Variants in TAF8 observed in about 807,000 individuals in gnomAD.
TAF8 encodes the protein transcription initiation factor TFIID subunit 8.
A neutral mutation model predicts 36.5 loss-of-function variants in TAF8; 47 were observed. That is an observed-to-expected ratio of 1.29 (90% CI 1.02 to 1.64). The LOEUF is 1.64. Ranked by LOEUF, TAF8 falls within the 40% of genes most tolerant of loss-of-function variation. TAF8 has a pLI of 0.00. For synonymous variants in TAF8, 175 were observed against 159.5 expected (o/e 1.10, Z -0.73); for missense variants, 420 against 407.6 (o/e 1.03, Z -0.26).
intron 5 of TAF8, among the ~76,000 whole-genome samples, chr6:42,058,658 A>G (rs901951342): frequency 6.6e-6 from 1 of 152,202 alleles, no homozygotes; most frequent in Non-Finnish European, 1.5e-5. Flanking sequence ...CTAATGCAAC[A>G]TAGCCCTTGC....
chr6:42,066,614 A>T (rs1765372866), intron 6 of TAF8, among the ~76,000 whole-genome samples, 155 bp downstream of exon 6: 1 of 152,086 alleles, frequency 6.6e-6, no homozygotes, highest in South Asian at 2.1e-4. Context: ...CCCAGGTCTT[A>T]AGAGTCTGTC....
Position 42,059,659 on chromosome 6 carries a change from G to C in TAF8, c.489+2146G>C, listed in dbSNP as rs550236169. 3.1e-3 allele frequency among the ~76,000 whole-genome samples: 466 copies of C among 152,180 alleles called. 1 individual carries two copies. The highest frequency in any genetic ancestry group is 4.8e-3 in the Non-Finnish European group (329 of 68,030). On this transcript the variant is annotated intron_variant, in intron 5 of 8. Coordinates refer to ENST00000372977, the MANE Select transcript of TAF8 (RefSeq NM_138572.3). Reference sequence around the variant, plus strand: ...AGGCAATCTAGTCTCCAGGCAAGATGGAGGTCTTCTTTGGGAAAAGGAGTG... The same window carrying C: ...AGGCAATCTAGTCTCCAGGCAAGATCGAGGTCTTCTTTGGGAAAAGGAGTG...
intron 5 of TAF8, among the ~76,000 whole-genome samples, chr6:42,062,879 A>G (rs1044713566): frequency 2.0e-5 from 3 of 152,034 alleles, no homozygotes; most frequent in Non-Finnish European, 4.4e-5. Context: ...ACAAAATTAC[A>G]TTCCCTTTAA....
Position 42,081,040 on chromosome 6 carries a change from T to A in TAF8, c.*3495T>A. Reference sequence around the variant, plus strand: ...AACTTTTATTTTGGAAATTTTCAAATACAAAATTAGAGAGCAAAATATATG... The same window carrying A: ...AACTTTTATTTTGGAAATTTTCAAAAACAAAATTAGAGAGCAAAATATATG... On this transcript the variant is annotated 3_prime_UTR_variant, in exon 9 of 9. Coordinates refer to ENST00000372977, the MANE Select transcript of TAF8 (RefSeq NM_138572.3). 1 of 923,604 alleles carries A rather than the reference T, an allele frequency of 1.1e-6. No homozygotes were observed. The allele number at this position is 923,604 out of a possible 1,614,324, so 57.2% of individuals were successfully genotyped here. A position where few individuals can be genotyped will look rare whatever the true frequency, so the allele number is the denominator to read the frequency against.
rs1045179174 is a variant in TAF8, at chr6:42,050,873, G to A, written c.45+287G>A. On this transcript the variant is annotated intron_variant, in intron 1 of 8. Coordinates refer to ENST00000372977, the MANE Select transcript of TAF8 (RefSeq NM_138572.3). ...TTCGCCTTCTTATTGGCCGGCCAAA[G>A]TTGAAAGGCATTCCCGTTTCAAAAT... The A allele has an allele frequency of 3.4e-6, 4 of 1,189,472 alleles. No homozygotes were observed. The African/African-American group carries it at 6.3e-5, about 19-fold the overall frequency. The allele number at this position is 1,189,472 out of a possible 1,614,324, so 73.7% of individuals were successfully genotyped here.
Position 42,078,719 on chromosome 6 carries a change from G to C in TAF8, c.*1174G>C. 1.0e-6 allele frequency: 1 copy of C among 985,456 alleles called. No homozygotes were observed. The highest frequency in any genetic ancestry group is 1.1e-4 in the East Asian group (1 of 8,822). 61.0% of individuals were successfully genotyped at this position (985,456 alleles called of 1,614,324 possible). ...GCCCCTGTGAGGAATGTGTGCTTGG[G>C]AACTGCCAAGTCTTACCCCTTCTGG... On this transcript the variant is annotated 3_prime_UTR_variant, in exon 9 of 9. Coordinates refer to ENST00000372977, the MANE Select transcript of TAF8 (RefSeq NM_138572.3).
At chr6:42,069,072 G>A (rs1359878591) in intron 7 of TAF8, among the ~76,000 whole-genome samples, 1 of 152,132 alleles carries the variant, frequency 6.6e-6, no homozygotes, top group Non-Finnish European at 1.5e-5. Context: ...CCTGAGGCAG[G>A]AGCTCCCCTG....
Position 42,078,601 on chromosome 6 carries a change from C to T in TAF8, c.*1056C>T. ...GATGCATCACTGTGAAGAAGAACGA[C>T]ATGTCGGGGCTGCACCTGTCCTCCC... is the stretch of plus-strand genomic sequence containing the variant. On this transcript the variant is annotated 3_prime_UTR_variant, in exon 9 of 9. Transcript: ENST00000372977. 1.0e-6 allele frequency: 1 copy of T among 985,484 alleles called. No homozygotes were observed. The highest frequency in any genetic ancestry group is 1.2e-6 in the Non-Finnish European group (1 of 829,954). 61.0% of individuals were successfully genotyped at this position (985,484 alleles called of 1,614,324 possible). A position where few individuals can be genotyped will look rare whatever the true frequency, so the allele number is the denominator to read the frequency against.
chr6:42,051,489 A>G lies in TAF8; in HGVS notation c.178A>G (p.Thr60Ala), dbSNP rs370822634. The G allele has an allele frequency of 4.6e-5, 75 of 1,613,994 alleles. No individual in the cohort carries two copies. The highest frequency in any genetic ancestry group is 6.0e-5 in the Non-Finnish European group (71 of 1,180,028). Residue 60 changes from threonine (T) to alanine (A), a missense_variant, in exon 2 of 9, where the codon ACG becomes GCG. Physicochemically the swap from Thr to Ala is moderately conservative, Grantham distance 58 (BLOSUM62 0). Transcript: ENST00000372977. ...GAGTGCCGAGAAAGCATCCGTGGAA[A>G]CGCTGACAGAGATGCTGCAGAGCTG... ...FESAEKASVE[T>A]LTEMLQSYIS...
rs374681523 is a variant in TAF8 at position 42,057,455 on chromosome 6, C to G, written c.431C>G (p.Pro144Arg). Residue 144 changes from proline to arginine, a missense_variant, in exon 5 of 9, where the codon CCG (proline) becomes CGG (arginine). Physicochemically the swap from Pro to Arg is moderately radical, Grantham distance 103. Coordinates refer to ENST00000372977, the MANE Select transcript of TAF8 (RefSeq NM_138572.3). ...LTAGQNRPHPPHIPSHFPEFP... is the reference protein window; with the variant it reads ...LTAGQNRPHPRHIPSHFPEFP... ...GCAGGGCAGAACCGACCCCACCCGC[C>G]GCACATCCCCAGCCATTTTCCTGAG... 1 of 1,613,986 alleles carries G rather than the reference C, an allele frequency of 6.2e-7. No homozygotes were observed. The highest frequency in any genetic ancestry group is 8.5e-7 in the Non-Finnish European group (1 of 1,180,038).
At position 42,077,658 on chromosome 6, in the gene TAF8, G is replaced by T. The variant is rs1179763156; in HGVS notation, c.*113G>T. 1 of 1,541,052 alleles carries T rather than the reference G, an allele frequency of 6.5e-7. No individual in the cohort carries two copies. The highest frequency in any genetic ancestry group is 1.4e-5 in the African/African-American group (1 of 72,566). ...CCTCATGGCCAAGCCGAGGCTGCAG[G>T]GTGTGATCGGACATGATTTTCATGG... On this transcript the variant is annotated 3_prime_UTR_variant, in exon 9 of 9. Coordinates refer to ENST00000372977, the MANE Select transcript of TAF8 (RefSeq NM_138572.3).
Position 42,079,795 on chromosome 6 carries a change from C to G in TAF8, c.*2250C>G. 3 of 947,972 alleles carry G rather than the reference C, an allele frequency of 3.2e-6. No individual in the cohort carries two copies. The highest frequency in any genetic ancestry group is 3.8e-6 in the Non-Finnish European group (3 of 796,590). 58.7% of individuals were successfully genotyped at this position (947,972 alleles called of 1,614,324 possible). On this transcript the variant is annotated 3_prime_UTR_variant, in exon 9 of 9. Coordinates refer to ENST00000372977, the MANE Select transcript of TAF8 (RefSeq NM_138572.3). Reference sequence around the variant, plus strand: ...TCTTGAACTCCTGGCCTCAAGTGATCCACCCGCCTTGGCCTTCCAAAGTGT... The same window carrying G: ...TCTTGAACTCCTGGCCTCAAGTGATGCACCCGCCTTGGCCTTCCAAAGTGT...
intron 2 of TAF8, among the ~76,000 whole-genome samples, chr6:42,055,207 C>T (rs12204712): frequency 0.086 from 12,973 of 150,696 alleles, 736 homozygotes; most frequent in East Asian, 0.26. Context: ...TACAGGCCTG[C>T]GCCACCACAC....
chr6:42,056,081 A>G, intron 4 of TAF8, 67 bp downstream of exon 4: 1 of 1,056,184 alleles, frequency 9.5e-7, no homozygotes, highest in Non-Finnish European at 1.5e-6. Flanking sequence ...AAGTAATTGA[A>G]TATGGTAGGG....
chr6:42,075,637 G>A (rs771767504), intron 7 of TAF8, among the ~76,000 whole-genome samples: 12 of 152,148 alleles, frequency 7.9e-5, no homozygotes, highest in Non-Finnish European at 1.3e-4. Flanking sequence ...GCCTCAAGTT[G>A]CAGAACAGGA....
intron 7 of TAF8, 46 bp from the exon 8 acceptor site, chr6:42,077,054 T>G: frequency 6.3e-7 from 1 of 1,576,004 alleles, no homozygotes; most frequent in Non-Finnish European, 8.6e-7. Context: ...ATGATCTCTT[T>G]CCTTATGCTG....
chr6:42,076,802 T>C (rs771599694), intron 7 of TAF8, among the ~76,000 whole-genome samples: 1 of 152,122 alleles, frequency 6.6e-6, no homozygotes, highest in Non-Finnish European at 1.5e-5. Flanking sequence ...TGAATTTGAT[T>C]CCTGTCCCTC....
chr6:42,050,813 C>T, intron 1 of TAF8: 1 of 925,558 alleles, frequency 1.1e-6, no homozygotes, highest in Non-Finnish European at 1.5e-6. Flanking sequence ...GGGTTGGGAG[C>T]CCGGAACACC....
rs918250134 is a variant in TAF8 at position 42,080,685 on chromosome 6, T to C, written c.*3140T>C. On this transcript the variant is annotated 3_prime_UTR_variant, in exon 9 of 9. Transcript: ENST00000372977. ...AGCCACCGCGCCTGGCCTCAGAGGC[T>C]ATACTCTTATAATTTTGTTCTGAGG... is the stretch of plus-strand genomic sequence containing the variant. 1.0e-6 allele frequency: 1 copy of C among 985,164 alleles called. No individual in the cohort carries two copies. The highest frequency in any genetic ancestry group is 1.2e-6 in the Non-Finnish European group (1 of 829,790). The allele number at this position is 985,164 out of a possible 1,614,324, so 61.0% of individuals were successfully genotyped here.
Sources: allele counts gnomAD v4.1 joint callset (sites outside exome capture counted in the v4.1 genomes callset), GRCh38; gene constraint gnomAD v4.1.1; transcripts MANE v1.5; gene names NCBI Gene and HGNC (gene_info 2026-07-23, HGNC 2026-07-21).